The following CLSTN2 variants were observed in gnomAD, a reference collection of about 807,000 sequenced individuals.
CLSTN2 encodes the protein calsyntenin-2.
A neutral mutation model predicts 101.2 loss-of-function variants in CLSTN2; 48 were observed. That is an observed-to-expected ratio of 0.47 (90% CI 0.38 to 0.60). The LOEUF (loss-of-function observed/expected upper bound fraction) is 0.60, where lower values mean the gene tolerates loss of function less well. Ranked by LOEUF, CLSTN2 falls within the 20% of genes least tolerant of loss-of-function variation. The probability of loss-of-function intolerance (pLI) is 0.00; values close to 1 mark genes in which losing one functional copy is unlikely to be tolerated. For missense variants in CLSTN2, 1,160 were observed against 1,238.2 expected (o/e 0.94, Z 0.95); for synonymous variants, 481 against 463.6 (o/e 1.04, Z -0.48).
chr3:140,354,216 T>G (rs1158118854), intron 2 of CLSTN2, among the ~76,000 whole-genome samples: 1 of 152,184 alleles, frequency 6.6e-6, no homozygotes, highest in Non-Finnish European at 1.5e-5. Context: ...CCTGGTTCCA[T>G]AGGATGTTAC....
chr3:140,218,600 T>A (rs2086230075), intron 2 of CLSTN2, among the ~76,000 whole-genome samples: 1 of 152,174 alleles, frequency 6.6e-6, no homozygotes, highest in Non-Finnish European at 1.5e-5. Flanking sequence ...ACCTTCCTGA[T>A]TTTTACATAT....
At chr3:140,155,876 G>A (rs573265531) in intron 1 of CLSTN2, among the ~76,000 whole-genome samples, 1 of 152,290 alleles carries the variant, frequency 6.6e-6, no homozygotes, top group East Asian at 1.9e-4. Flanking sequence ...CATCTGCTTT[G>A]AAAACCATTT....
At chr3:140,455,302 G>A (rs970318748) in intron 6 of CLSTN2, among the ~76,000 whole-genome samples, 1 of 152,188 alleles carries the variant, frequency 6.6e-6, no homozygotes, top group Non-Finnish European at 1.5e-5. Context: ...GTGGCCCCAT[G>A]TCAGTCACTC....
At chr3:140,234,299 G>A (rs1191556318) in intron 2 of CLSTN2, among the ~76,000 whole-genome samples, 19 of 152,278 alleles carry the variant, frequency 1.2e-4, no homozygotes, top group African/African-American at 3.1e-4. Context: ...TGCTGCTGCC[G>A]CAGCTGCTGC....
intron 9 of CLSTN2, among the ~76,000 whole-genome samples, chr3:140,545,437 C>T (rs948875792): frequency 6.6e-6 from 1 of 152,060 alleles, no homozygotes; most frequent in Non-Finnish European, 1.5e-5. Flanking sequence ...CAGAAGTGTG[C>T]CCTAGGAGCA....
intron 1 of CLSTN2, among the ~76,000 whole-genome samples, chr3:139,995,455 C>T (rs1936186064): frequency 6.6e-6 from 1 of 152,112 alleles, no homozygotes. Flanking sequence ...GTTTCATGGA[C>T]TTCTCATCCT....
chr3:140,041,010 C>T lies in CLSTN2; in HGVS notation c.109+105527C>T, dbSNP rs777856084. ...GGAAATAAGTGCTCTCCAAATCAGA[C>T]GGCCCGAGTGGAGAAAAGGCACAGT... On this transcript the variant is annotated intron_variant, in intron 1 of 16. Coordinates refer to ENST00000458420, the MANE Select transcript of CLSTN2 (RefSeq NM_022131.3). 4.6e-5 allele frequency among the ~76,000 whole-genome samples: 7 copies of T among 152,130 alleles called. No individual in the cohort carries two copies. The East Asian group carries it at 5.8e-4, about 13-fold the overall frequency.
intron 2 of CLSTN2, among the ~76,000 whole-genome samples, chr3:140,358,610 C>T (rs1293493521): frequency 6.6e-6 from 1 of 152,064 alleles, no homozygotes; most frequent in Admixed American, 6.5e-5. Context: ...TCTGCACAGA[C>T]CTAGAAGGGA....
At chr3:140,038,576 G>A (rs1018346544) in intron 1 of CLSTN2, among the ~76,000 whole-genome samples, 2 of 151,868 alleles carry the variant, frequency 1.3e-5, no homozygotes, top group Admixed American at 1.3e-4. Context: ...TTTTGCTTTT[G>A]TTGCAATTGC....
chr3:140,196,611 G>A (rs569056588), intron 2 of CLSTN2, among the ~76,000 whole-genome samples: 4 of 152,320 alleles, frequency 2.6e-5, no homozygotes, highest in African/African-American at 7.2e-5. Flanking sequence ...AGATGCATAT[G>A]TGCCTTTCAG....
intron 1 of CLSTN2, among the ~76,000 whole-genome samples, chr3:140,078,888 A>G (rs958943294): frequency 6.6e-6 from 1 of 152,210 alleles, no homozygotes; most frequent in African/African-American, 2.4e-5. Context: ...TGTTGTGTTG[A>G]TCAAAGCTAA....
intron 1 of CLSTN2, among the ~76,000 whole-genome samples, chr3:140,041,890 G>C (rs1258895242): frequency 6.6e-6 from 1 of 152,168 alleles, no homozygotes; most frequent in Non-Finnish European, 1.5e-5. Context: ...TGTGAGGAGG[G>C]AAGAGGGGGC....
intron 1 of CLSTN2, among the ~76,000 whole-genome samples, chr3:139,988,899 C>T (rs560141061): frequency 2.0e-5 from 3 of 152,274 alleles, no homozygotes; most frequent in African/African-American, 4.8e-5. Flanking sequence ...TGCATGATTA[C>T]TTAGTCACTC....
intron 1 of CLSTN2, among the ~76,000 whole-genome samples, chr3:140,071,102 C>A (rs1212014387): frequency 6.6e-6 from 1 of 151,644 alleles, no homozygotes; most frequent in Non-Finnish European, 1.5e-5. Context: ...TAGTTCAGTG[C>A]AACAGAAAAG....
chr3:140,486,278 A>AAGG (rs60746413), intron 8 of CLSTN2, among the ~76,000 whole-genome samples: 1 of 43,776 alleles, frequency 2.3e-5, no homozygotes, highest in Non-Finnish European at 3.9e-5. Context: ...ATAGGAAAGA[A>AAGG]AGAGCATTGG....
chr3:140,157,406 C>A lies in CLSTN2; in HGVS notation c.110-18545C>A, dbSNP rs116165925. Among the ~76,000 whole-genome samples the A allele has an allele frequency of 1.2e-3, 189 of 152,168 alleles. 1 individual carries two copies. Among genetic ancestry groups the A allele is most frequent in the African/African-American group, 4.2e-3 (174 of 41,526 alleles). The stretch of plus-strand genomic sequence containing the variant: ...TTGGTAGGTTTTTTAAATTACTGAT[C>A]CAATTTTGGAACTTGTTATTGATCT... On this transcript the variant is annotated intron_variant, in intron 1 of 16. Coordinates refer to ENST00000458420, the MANE Select transcript of CLSTN2 (RefSeq NM_022131.3).
intron 1 of CLSTN2, among the ~76,000 whole-genome samples, chr3:140,044,541 C>T (rs1286613885): frequency 6.6e-6 from 1 of 152,114 alleles, no homozygotes; most frequent in Non-Finnish European, 1.5e-5. Flanking sequence ...TGCCTGATTG[C>T]CCTGGCCAGA....
chr3:140,561,590 A>G (rs9883057), intron 12 of CLSTN2, among the ~76,000 whole-genome samples: 105,211 of 152,130 alleles, frequency 0.69, 37,954 homozygotes, highest in Middle Eastern at 0.83. Flanking sequence ...TATTAATAAC[A>G]ATTCCATGCT....
At chr3:140,550,919 G>GCTGGT (rs1171733444) in intron 10 of CLSTN2, among the ~76,000 whole-genome samples, 1 of 151,528 alleles carries the variant, frequency 6.6e-6, no homozygotes, top group African/African-American at 2.4e-5. Flanking sequence ...CTAGGGCATG[G>GCTGGT]CTGGTAAGAA....
Sources: allele counts gnomAD v4.1 joint callset (sites outside exome capture counted in the v4.1 genomes callset), GRCh38; gene constraint gnomAD v4.1.1; transcripts MANE v1.5; gene names NCBI Gene and HGNC (gene_info 2026-07-23, HGNC 2026-07-21).